Variants in SLC6A11 observed in about 807,000 individuals in gnomAD.
The protein encoded by SLC6A11 is sodium- and chloride-dependent GABA transporter 3.
In SLC6A11, 25 loss-of-function variants were observed where a neutral mutation model predicts 74.8. The ratio of observed to expected loss-of-function variants is 0.33; its 90% CI spans 0.24 to 0.47. The LOEUF (loss-of-function observed/expected upper bound fraction) is 0.47. Ranked by LOEUF, SLC6A11 falls within the 20% of genes least tolerant of loss-of-function variation. The pLI is 1.00. For missense variants in SLC6A11, 574 were observed against 837.0 expected, an observed-to-expected ratio of 0.69 and a Z score of 3.88; for synonymous variants, 330 against 330.2, an observed-to-expected ratio of 1.00 and a Z score of 0.01.
intron 5 of SLC6A11, among the ~76,000 whole-genome samples, chr3:10,873,541 T>C (rs1694861273): frequency 6.6e-6 from 1 of 151,060 alleles, no homozygotes; most frequent in African/African-American, 2.5e-5. Flanking sequence ...TGTCCTATCC[T>C]ATCCTATCCT....
intron 6 of SLC6A11, among the ~76,000 whole-genome samples, chr3:10,909,980 C>T (rs1057398171): frequency 1.3e-5 from 2 of 152,184 alleles, no homozygotes; most frequent in Non-Finnish European, 2.9e-5. Flanking sequence ...TCTCATACCC[C>T]CCACACATCG....
At chr3:10,834,347 T>C (rs1291281258) in intron 4 of SLC6A11, among the ~76,000 whole-genome samples, 1 of 149,774 alleles carries the variant, frequency 6.7e-6, no homozygotes, top group Non-Finnish European at 1.5e-5. Context: ...TTTGTTTTTT[T>C]TTTTGTTTTT....
At chr3:10,840,118 G>A (rs530728981) in intron 4 of SLC6A11, among the ~76,000 whole-genome samples, 6 of 152,202 alleles carry the variant, frequency 3.9e-5, no homozygotes, top group African/African-American at 1.4e-4. Flanking sequence ...CTAGGCTTCT[G>A]TCATCCACAG....
chr3:10,934,215 C>T (rs773637658), intron 12 of SLC6A11, 49 bp downstream of exon 12: 3 of 1,290,710 alleles, frequency 2.3e-6, no homozygotes, highest in Non-Finnish European at 3.4e-6. Context: ...CACCCATCTA[C>T]CCTCCAACCC....
chr3:10,854,212 A>G (rs1342969474), intron 5 of SLC6A11, among the ~76,000 whole-genome samples: 3 of 152,088 alleles, frequency 2.0e-5, no homozygotes, highest in Admixed American at 1.3e-4. Flanking sequence ...ACATGGCGAA[A>G]CCCCGTCTCT....
chr3:10,833,236 A>G (rs1320417767), intron 4 of SLC6A11, among the ~76,000 whole-genome samples: 1 of 152,028 alleles, frequency 6.6e-6, no homozygotes, highest in Non-Finnish European at 1.5e-5. Context: ...TAATTTTTGT[A>G]TTTTTAGTAG....
rs1695447916 is a variant in SLC6A11, at chr3:10,915,928, T to TTAGC, written c.996-2399_996-2396dup. Among the ~76,000 whole-genome samples, 1 of 152,230 alleles carries TTAGC rather than the reference T, an allele frequency of 6.6e-6. No individual in the cohort carries two copies. The highest frequency in any genetic ancestry group is 2.4e-5 in the African/African-American group (1 of 41,464). On this transcript the variant is annotated intron_variant, in intron 7 of 13. Coordinates refer to ENST00000254488, the MANE Select transcript of SLC6A11 (RefSeq NM_014229.3). The surrounding 1 kb of genome is among the most constrained non-coding windows in gnomAD (Gnocchi z 4.3). ...AATTTTTAGGGTGCATCATTTTTGT[T>TTAGC]TAGCTCCTAGCAAAAGCATGGGCTT...
At chr3:10,932,824 G>GGAGGC (rs1490534606) in intron 10 of SLC6A11, among the ~76,000 whole-genome samples, 1 of 152,180 alleles carries the variant, frequency 6.6e-6, no homozygotes, top group Non-Finnish European at 1.5e-5. Context: ...AGGCCAGTCA[G>GGAGGC]GAGGCTGTTA....
intron 6 of SLC6A11, among the ~76,000 whole-genome samples, chr3:10,906,812 A>G (rs1365874205): frequency 1.3e-5 from 2 of 152,240 alleles, no homozygotes; most frequent in Non-Finnish European, 2.9e-5. Flanking sequence ...CAATAATTTC[A>G]GAAAGTACTA....
intron 6 of SLC6A11, among the ~76,000 whole-genome samples, chr3:10,879,838 A>G (rs1311503183): frequency 6.6e-6 from 1 of 152,166 alleles, no homozygotes; most frequent in Admixed American, 6.5e-5. Flanking sequence ...CTGTGTACCG[A>G]CATGGCTCTC....
At chr3:10,908,058 G>C in intron 6 of SLC6A11, among the ~76,000 whole-genome samples, 1 of 152,128 alleles carries the variant, frequency 6.6e-6, no homozygotes. Flanking sequence ...GTGAACTCTA[G>C]ATTTCAAGGC....
intron 5 of SLC6A11, among the ~76,000 whole-genome samples, chr3:10,850,678 A>G (rs1235257860): frequency 6.6e-6 from 1 of 152,176 alleles, no homozygotes; most frequent in African/African-American, 2.4e-5. Flanking sequence ...GTGATTGAGA[A>G]AGATGGTGGC....
At chr3:10,824,791 T>C (rs1694185059) in intron 4 of SLC6A11, 1 of 152,250 alleles carries the variant, frequency 6.6e-6, no homozygotes, top group South Asian at 2.1e-4. Flanking sequence ...TTAAGCACAC[T>C]GAGTGAATGT....
intron 5 of SLC6A11, among the ~76,000 whole-genome samples, chr3:10,864,765 G>C (rs978452044): frequency 1.3e-5 from 2 of 152,180 alleles, no homozygotes; most frequent in Non-Finnish European, 2.9e-5. Context: ...CATAGTGGCC[G>C]CTCTGGCTGA....
At chr3:10,817,274 C>T (rs747945019) in intron 1 of SLC6A11, among the ~76,000 whole-genome samples, 2 of 152,164 alleles carry the variant, frequency 1.3e-5, no homozygotes, top group African/African-American at 2.4e-5. Context: ...CCACGACAAA[C>T]AGCAATACTG....
intron 6 of SLC6A11, among the ~76,000 whole-genome samples, chr3:10,879,584 T>C (rs975098545): frequency 1.3e-5 from 2 of 152,214 alleles, no homozygotes; most frequent in African/African-American, 4.8e-5. Flanking sequence ...GCCAATGGCC[T>C]TGAAGGTTAA....
At chr3:10,929,432 G>A (rs751632756) in intron 10 of SLC6A11, 93 bp downstream of exon 10, 17 of 1,385,390 alleles carry the variant, frequency 1.2e-5, no homozygotes, top group Non-Finnish European at 1.6e-5. Flanking sequence ...CCCGGGTCAG[G>A]TCTAGTGCCC....
intron 4 of SLC6A11, among the ~76,000 whole-genome samples, chr3:10,841,818 C>CGTGTGTGTGTGTAT (rs1238837848): frequency 1.3e-5 from 2 of 151,742 alleles, no homozygotes; most frequent in African/African-American, 4.8e-5. Context: ...TGTGTGTGTG[C>CGTGTGTGTGTGTAT]GTGTGTGTGT....
chr3:10,883,740 A>G (rs964887307), intron 6 of SLC6A11, among the ~76,000 whole-genome samples: 2 of 152,136 alleles, frequency 1.3e-5, no homozygotes, highest in African/African-American at 4.8e-5. Context: ...CAAGGACCCA[A>G]AGAAGATTGG....
Sources: allele counts gnomAD v4.1 joint callset (sites outside exome capture counted in the v4.1 genomes callset), GRCh38; gene constraint gnomAD v4.1.1; non-coding constraint Gnocchi (gnomAD v3.1); transcripts MANE v1.5; gene names NCBI Gene and HGNC (gene_info 2026-07-23, HGNC 2026-07-21).